The following GNA11 variants were observed in gnomAD, a reference collection of about 807,000 sequenced individuals.
GNA11 encodes the protein guanine nucleotide-binding protein subunit alpha-11.
In GNA11, 8 loss-of-function variants were observed where a neutral mutation model predicts 38.2. The ratio of observed to expected loss-of-function variants is 0.21; its 90% CI spans 0.12 to 0.38. The LOEUF is 0.38. Ranked by LOEUF, GNA11 falls within the 10% of genes least tolerant of loss-of-function variation. GNA11 has a pLI of 1.00. For synonymous variants in GNA11, 211 were observed against 221.4 expected (o/e 0.95, Z 0.42); for missense variants, 268 against 516.3 (o/e 0.52, Z 4.66).
chr19:3,101,084 T>C (rs1859956), intron 1 of GNA11, among the ~76,000 whole-genome samples: 71,905 of 151,754 alleles, frequency 0.47, 17,620 homozygotes, highest in Admixed American at 0.6. Context: ...CACCGTCCGG[T>C]GGCCCAGGCT....
chr19:3,099,593 A>T (rs1184526448), intron 1 of GNA11, among the ~76,000 whole-genome samples: 5 of 152,008 alleles, frequency 3.3e-5, no homozygotes, highest in Non-Finnish European at 7.4e-5. Flanking sequence ...CAGGTCTTAG[A>T]ATTGGCTGCC....
intron 1 of GNA11, among the ~76,000 whole-genome samples, chr19:3,099,192 A>G (rs1913443946): frequency 6.6e-6 from 1 of 152,078 alleles, no homozygotes; most frequent in African/African-American, 2.4e-5. Flanking sequence ...GTGGAGTCGG[A>G]CGGATCTTAG....
At chr19:3,112,896 G>T (rs1913810721) in intron 2 of GNA11, among the ~76,000 whole-genome samples, 2 of 152,270 alleles carry the variant, frequency 1.3e-5, no homozygotes, top group African/African-American at 4.8e-5. Flanking sequence ...CTGCCTCCCG[G>T]TGTGTCTGGA....
At chr19:3,104,660 G>C (rs572633542) in intron 1 of GNA11, among the ~76,000 whole-genome samples, 1 of 152,294 alleles carries the variant, frequency 6.6e-6, no homozygotes, top group African/African-American at 2.4e-5. Flanking sequence ...CATTTGGTTC[G>C]CTCAGGAAAC....
intron 1 of GNA11, among the ~76,000 whole-genome samples, chr19:3,102,550 G>A (rs751804856): frequency 2.0e-5 from 3 of 152,202 alleles, no homozygotes; most frequent in African/African-American, 4.8e-5. Flanking sequence ...GATAAGCTGC[G>A]GAGCCAGGAG....
At chr19:3,115,169 C>T in intron 4 of GNA11, 97 bp downstream of exon 4, 1 of 1,397,704 alleles carries the variant, frequency 7.2e-7, no homozygotes, top group Non-Finnish European at 9.9e-7. Flanking sequence ...TTTGGGAGGC[C>T]AAGGCGGGAG....
intron 4 of GNA11, 77 bp downstream of exon 4, chr19:3,115,149 C>T (rs1913878364): frequency 6.6e-7 from 1 of 1,521,422 alleles, no homozygotes; most frequent in African/African-American, 1.4e-5. Context: ...CATGCCTGCG[C>T]ACCCAGTGCT....
chr19:3,118,768 G>C, intron 4 of GNA11, 156 bp from the exon 5 acceptor site: 3 of 683,562 alleles, frequency 4.4e-6, no homozygotes, highest in Non-Finnish European at 7.5e-6. Context: ...GCCGCTCTCT[G>C]AGAGCGTCCT....
intron 4 of GNA11, among the ~76,000 whole-genome samples, chr19:3,116,894 C>A (rs1913939117): frequency 6.6e-6 from 1 of 152,150 alleles, no homozygotes; most frequent in Non-Finnish European, 1.5e-5. Flanking sequence ...TGCCTTGAGA[C>A]CCACCCCAGG....
chr19:3,114,813 C>A, intron 3 of GNA11, 131 bp from the exon 4 acceptor site: 8 of 837,786 alleles, frequency 9.5e-6, no homozygotes, highest in Non-Finnish European at 1.3e-5. Flanking sequence ...TCAGACACTG[C>A]CGTAGGTGGC....
chr19:3,098,700 C>A (rs1045185947), intron 1 of GNA11, among the ~76,000 whole-genome samples: 2 of 152,208 alleles, frequency 1.3e-5, no homozygotes, highest in African/African-American at 4.8e-5. Flanking sequence ...AAGGGCCGGG[C>A]CTCTGTTGGC....
rs932362801 is a variant in GNA11 at position 3,119,794 on chromosome 19, G to T, written c.889+435G>T. Among the ~76,000 whole-genome samples the T allele has an allele frequency of 6.6e-6, 1 of 151,780 alleles. No individual in the cohort carries two copies. Among genetic ancestry groups the T allele is most frequent in the Non-Finnish European group, 1.5e-5 (1 of 67,894 alleles). On this transcript the variant is annotated intron_variant, in intron 6 of 6. Transcript: ENST00000078429. This position sits in a 1 kb window ranked among gnomAD's most constrained non-coding sequence, Gnocchi z 4.6. ...GAGGGGTCTCACAGGAAGGGTTCAC[G>T]CACACTGCCAGCGCAGCCCCGTGGG...
At chr19:3,113,106 G>A (rs1011141748) in intron 2 of GNA11, among the ~76,000 whole-genome samples, 7 of 152,376 alleles carry the variant, frequency 4.6e-5, no homozygotes, top group African/African-American at 1.2e-4. Context: ...AGACCGCACC[G>A]CCGGGAGGCT....
At chr19:3,111,072 G>A (rs890553296) in intron 2 of GNA11, among the ~76,000 whole-genome samples, 4 of 151,830 alleles carry the variant, frequency 2.6e-5, no homozygotes, top group Non-Finnish European at 4.4e-5. Context: ...GGGATTACAG[G>A]TATGAGCCAC....
chr19:3,095,536 C>A (rs1344929877), intron 1 of GNA11, among the ~76,000 whole-genome samples: 2 of 151,988 alleles, frequency 1.3e-5, no homozygotes, highest in Non-Finnish European at 2.9e-5. Context: ...CCCCCATCCC[C>A]CCGAAGACTC....
intron 2 of GNA11, among the ~76,000 whole-genome samples, chr19:3,111,198 T>C (rs908079938): frequency 2.6e-5 from 4 of 152,162 alleles, no homozygotes; most frequent in African/African-American, 9.7e-5. Context: ...TCTATGCACT[T>C]CACTTGCTTA....
At position 3,119,425 on chromosome 19, in the gene GNA11, A is replaced by G; in HGVS notation, c.889+66A>G. The G allele has an allele frequency of 6.8e-7, 1 of 1,468,114 alleles. No homozygotes were observed. Among genetic ancestry groups the G allele is most frequent in the South Asian group, 1.2e-5 (1 of 81,776 alleles). The allele number at this position is 1,468,114 out of a possible 1,614,324, so 90.9% of individuals were successfully genotyped here. A position where few individuals can be genotyped will look rare whatever the true frequency, so the allele number is the denominator to read the frequency against. On this transcript the variant is annotated intron_variant, in intron 6 of 6. Transcript: ENST00000078429. This position sits in a 1 kb window ranked among gnomAD's most constrained non-coding sequence, Gnocchi z 4.6. ...GCCTTACTGGGGGGAGGGGGCTGAT[A>G]TGGGAGAGGGGCTCATACAGGCCGG...
rs1913678509 is a variant in GNA11 at position 3,108,006 on chromosome 19, C to G, written c.137-2143C>G. ...GAGGTGAGGGCTGAGAGGTGGATTA[C>G]TACCTGAGACAATCAAAATCAATTT... On this transcript the variant is annotated intron_variant, in intron 1 of 6. Coordinates refer to ENST00000078429, the MANE Select transcript of GNA11 (RefSeq NM_002067.5). The surrounding 1 kb of genome is among the most constrained non-coding windows in gnomAD (Gnocchi z 4.5). 6.6e-6 allele frequency among the ~76,000 whole-genome samples: 1 copy of G among 152,206 alleles called. No individual in the cohort carries two copies. Among genetic ancestry groups the G allele is most frequent in the African/African-American group, 2.4e-5 (1 of 41,432 alleles).
chr19:3,118,723 A>C, intron 4 of GNA11: 1 of 546,874 alleles, frequency 1.8e-6, no homozygotes, highest in Non-Finnish European at 3.3e-6. Flanking sequence ...CCAGTGAGGG[A>C]AGGGTCTGCG....
Sources: allele counts gnomAD v4.1 joint callset (sites outside exome capture counted in the v4.1 genomes callset), GRCh38; gene constraint gnomAD v4.1.1; non-coding constraint Gnocchi (gnomAD v3.1); transcripts MANE v1.5; gene names NCBI Gene and HGNC (gene_info 2026-07-23, HGNC 2026-07-21).